ESRRB: variants seen among roughly 807,000 people sequenced by gnomAD.
ESRRB encodes estrogen related receptor beta.
ESRRB carries 16 observed loss-of-function variants against 46.0 expected under a neutral mutation model. That is an observed-to-expected ratio of 0.35 (90% CI 0.24 to 0.53). The LOEUF (loss-of-function observed/expected upper bound fraction) is 0.53. Ranked by LOEUF, ESRRB falls within the 20% of genes least tolerant of loss-of-function variation. The probability of loss-of-function intolerance (pLI) is 0.93; values close to 1 mark genes in which losing one functional copy is unlikely to be tolerated. For synonymous variants in ESRRB, 246 were observed against 259.6 expected, an observed-to-expected ratio of 0.95 and a Z score of 0.50; for missense variants, 488 against 607.4, an observed-to-expected ratio of 0.80 and a Z score of 2.07.
intron 3 of ESRRB, among the ~76,000 whole-genome samples, chr14:76,463,743 G>A (rs542096606): frequency 9.5e-4 from 145 of 151,844 alleles, no homozygotes; most frequent in African/African-American, 3.1e-3. Flanking sequence ...CACCGCACCC[G>A]GCCTCTTTTT....
intron 1 of ESRRB, among the ~76,000 whole-genome samples, chr14:76,429,367 A>C (rs1336735134): frequency 6.6e-6 from 1 of 152,204 alleles, no homozygotes; most frequent in Non-Finnish European, 1.5e-5. Context: ...TGTCCAGAAA[A>C]GTGTTACCTA....
chr14:76,498,921 G>C lies in ESRRB; in HGVS notation c.*463G>C, dbSNP rs1405892073. 1 of 510,836 alleles carries C rather than the reference G, an allele frequency of 2.0e-6. No individual in the cohort carries two copies. Among genetic ancestry groups the C allele is most frequent in the Non-Finnish European group, 4.1e-6 (1 of 245,946 alleles). 31.6% of individuals were successfully genotyped at this position (510,836 alleles called of 1,614,324 possible). On this transcript the variant is annotated 3_prime_UTR_variant, in exon 7 of 7. Coordinates refer to ENST00000644823, the MANE Select transcript of ESRRB (RefSeq NM_001379180.1). The stretch of plus-strand genomic sequence containing the variant: ...CCTTCCGCAGAGGGCAGGTACGCAA[G>C]GGACAACAGTATCTTTCTTCCAGAG...
In ESRRB at chr14:76,501,046, G is replaced by T; in HGVS notation, c.*2588G>T. 2.3e-6 allele frequency: 1 copy of T among 434,748 alleles called. No homozygotes were observed. Among genetic ancestry groups the T allele is most frequent in the African/African-American group, 2.0e-5 (1 of 50,406 alleles). The allele number at this position is 434,748 out of a possible 1,614,324, so 26.9% of individuals were successfully genotyped here. ...AGGACCCTCTCCGGGGAAGGGAGAGGACTGACTTAGTGGAAGGTGGTGAAG... is the reference window on the plus strand; with the variant it reads ...AGGACCCTCTCCGGGGAAGGGAGAGTACTGACTTAGTGGAAGGTGGTGAAG... On this transcript the variant is annotated 3_prime_UTR_variant, in exon 7 of 7. Coordinates refer to ENST00000644823, the MANE Select transcript of ESRRB (RefSeq NM_001379180.1).
chr14:76,457,698 GAGA>G (rs1470762028), intron 2 of ESRRB, among the ~76,000 whole-genome samples: 7 of 152,050 alleles, frequency 4.6e-5, no homozygotes, highest in Admixed American at 4.6e-4. Flanking sequence ...ATTTATTTTT[GAGA>G]CGGAATCTTG....
At chr14:76,368,538 G>A (rs1195617683), upstream of ESRRB, among the ~76,000 whole-genome samples, 3 of 152,284 alleles carry the variant, frequency 2.0e-5, no homozygotes, top group East Asian at 3.9e-4. Flanking sequence ...CTGCTGACAA[G>A]TGTATTACTG....
chr14:76,493,306 C>T (rs796546676), intron 6 of ESRRB, among the ~76,000 whole-genome samples: 18 of 152,190 alleles, frequency 1.2e-4, no homozygotes, highest in African/African-American at 4.1e-4. Flanking sequence ...ATGCGTGCAC[C>T]GCCACACTCA....
At chr14:76,351,558 A>G (rs970718780) in intron 1 of ESRRB, among the ~76,000 whole-genome samples, 76 of 152,208 alleles carry the variant, frequency 5.0e-4, no homozygotes, top group Admixed American at 1.8e-3. Flanking sequence ...TGCAATGACC[A>G]TATTTCTAAA....
chr14:76,382,657 A>G (rs1327783567), intron 1 of ESRRB, among the ~76,000 whole-genome samples: 1 of 152,206 alleles, frequency 6.6e-6, no homozygotes, highest in African/African-American at 2.4e-5. Flanking sequence ...GATGTTCACT[A>G]TGGAGTTGGA....
chr14:76,321,856 C>T (rs538115686), intron 1 of ESRRB, among the ~76,000 whole-genome samples: 8 of 150,538 alleles, frequency 5.3e-5, no homozygotes, highest in Admixed American at 2.7e-4. Context: ...CACTGCAATC[C>T]GGCCTGGGCT....
At chr14:76,346,608 C>G (rs1483793438) in intron 1 of ESRRB, among the ~76,000 whole-genome samples, 1 of 152,188 alleles carries the variant, frequency 6.6e-6, no homozygotes, top group African/African-American at 2.4e-5. Flanking sequence ...GGAGTGCCAG[C>G]CTCCATGCCC....
At chr14:76,469,948 T>C (rs866236338) in intron 3 of ESRRB, among the ~76,000 whole-genome samples, 2,841 of 130,704 alleles carry the variant, frequency 0.022, 53 homozygotes, top group African/African-American at 0.084. Context: ...TTTTTTCTTT[T>C]TTTTTTTTTT....
chr14:76,349,828 G>T (rs1884293128), intron 1 of ESRRB, among the ~76,000 whole-genome samples: 1 of 152,152 alleles, frequency 6.6e-6, no homozygotes, highest in Non-Finnish European at 1.5e-5. Flanking sequence ...AGGGAAAAAG[G>T]GAAGGAAAGA....
chr14:76,348,202 T>C (rs1056989363), intron 1 of ESRRB, among the ~76,000 whole-genome samples: 1 of 152,084 alleles, frequency 6.6e-6, no homozygotes, highest in Non-Finnish European at 1.5e-5. Context: ...GCAAATTCCT[T>C]CACTTCAATT....
chr14:76,445,811 A>G (rs376857468), intron 2 of ESRRB, among the ~76,000 whole-genome samples: 1 of 151,832 alleles, frequency 6.6e-6, no homozygotes, highest in East Asian at 1.9e-4. Flanking sequence ...CAGCCTCCCA[A>G]GATAGCTGGG....
chr14:76,491,707 G>A lies in ESRRB; in HGVS notation c.1111G>A (p.Ala371Thr), dbSNP rs748968069. Residue 371 changes from alanine (A) to threonine (T), a missense_variant, in exon 6 of 7, where the codon GCC (alanine) becomes ACC (threonine). Coordinates refer to ENST00000644823, the MANE Select transcript of ESRRB (RefSeq NM_001379180.1). ...TGTGACGCTCAAGGCCCTGGCCCTCGCCAACTCCGGTAAGGGCGGCGGCGG... is the reference window on the plus strand; with the variant it reads ...TGTGACGCTCAAGGCCCTGGCCCTCACCAACTCCGGTAAGGGCGGCGGCGG... ...EFVTLKALAL[A>T]NSDSMYIEDL... 47 of 1,579,408 alleles carry A rather than the reference G, an allele frequency of 3.0e-5. No individual in the cohort carries two copies. The Middle Eastern group carries it at 6.3e-4, about 21-fold the overall frequency.
rs1394593551 is a variant in ESRRB at position 76,498,634 on chromosome 14, G to A, written c.*176G>A. The A allele has an allele frequency of 8.2e-6, 11 of 1,336,376 alleles. No individual in the cohort carries two copies. The Admixed American group carries it at 1.2e-4, about 15-fold the overall frequency. 82.8% of individuals were successfully genotyped at this position (1,336,376 alleles called of 1,614,324 possible). On this transcript the variant is annotated 3_prime_UTR_variant, in exon 7 of 7. Coordinates refer to ENST00000644823, the MANE Select transcript of ESRRB (RefSeq NM_001379180.1). ...TGCAGACTCCCGGGTGCAGTGGGGTGGGGGACGGGGATGGGGGGGCAGGGG... is the reference window on the plus strand; with the variant it reads ...TGCAGACTCCCGGGTGCAGTGGGGTAGGGGACGGGGATGGGGGGGCAGGGG...
At chr14:76,392,022 A>T (rs1356511630) in intron 1 of ESRRB, among the ~76,000 whole-genome samples, 3 of 152,184 alleles carry the variant, frequency 2.0e-5, no homozygotes, top group Non-Finnish European at 4.4e-5. Context: ...TTCTGCTGGC[A>T]ACATCCCTGC....
chr14:76,361,069 G>A (rs1884456751), intron 1 of ESRRB, among the ~76,000 whole-genome samples: 1 of 152,228 alleles, frequency 6.6e-6, no homozygotes, highest in South Asian at 2.1e-4. Context: ...TCCTGCAGGT[G>A]TTGGACAGGG....
chr14:76,351,827 A>G (rs575423565), intron 1 of ESRRB, among the ~76,000 whole-genome samples: 38 of 152,060 alleles, frequency 2.5e-4, no homozygotes, highest in Non-Finnish European at 4.7e-4. Context: ...GCTGATGAAG[A>G]GTATAAACTT....
Sources: allele counts gnomAD v4.1 joint callset (sites outside exome capture counted in the v4.1 genomes callset), GRCh38; gene constraint gnomAD v4.1.1; transcripts MANE v1.5; gene names NCBI Gene and HGNC (gene_info 2026-07-23, HGNC 2026-07-21).